Variants in MAGI2 observed in about 807,000 individuals in gnomAD.
MAGI2 encodes membrane associated guanylate kinase, WW and PDZ domain containing 2.
Under a neutral mutation model 133.3 loss-of-function variants are expected in MAGI2, and 35 were observed. The ratio of observed to expected loss-of-function variants is 0.26; its 90% CI spans 0.20 to 0.35. The LOEUF (loss-of-function observed/expected upper bound fraction) is 0.35, where lower values mean the gene tolerates loss of function less well. Ranked by LOEUF, MAGI2 falls within the 10% of genes least tolerant of loss-of-function variation. The probability of loss-of-function intolerance (pLI) is 1.00; values close to 1 mark genes in which losing one functional copy is unlikely to be tolerated. For synonymous variants in MAGI2, 729 were observed against 710.6 expected (o/e 1.03, Z -0.41); for missense variants, 1,636 against 1,863.4 (o/e 0.88, Z 2.25).
At chr7:79,240,326 G>A (rs1248607493) in intron 1 of MAGI2, among the ~76,000 whole-genome samples, 3 of 140,986 alleles carry the variant, frequency 2.1e-5, no homozygotes, top group Admixed American at 7.3e-5. Context: ...GGAATGAAAG[G>A]AACATAGGAG....
At chr7:78,250,212 G>A (rs1343213999) in intron 10 of MAGI2, among the ~76,000 whole-genome samples, 4 of 152,018 alleles carry the variant, frequency 2.6e-5, no homozygotes, top group South Asian at 4.1e-4. Flanking sequence ...TGTTCTCTTC[G>A]ACAATGAAAT....
chr7:78,955,989 ACTCTGCTAAGTTGTATGAATTTTT>A, intron 2 of MAGI2, among the ~76,000 whole-genome samples: 1 of 151,766 alleles, frequency 6.6e-6, no homozygotes, highest in Non-Finnish European at 1.5e-5. Flanking sequence ...TTTGTGGTAC[ACTCTGCTAAGTTGTATGAATTTTT>A]AAAAAGTTAA....
intron 20 of MAGI2, among the ~76,000 whole-genome samples, chr7:78,107,472 T>C (rs1253689473): frequency 6.6e-6 from 1 of 152,186 alleles, no homozygotes; most frequent in Non-Finnish European, 1.5e-5. Flanking sequence ...ATTCTTCCAA[T>C]CTATGAACAT....
At chr7:78,269,804 C>T (rs1276205625) in intron 9 of MAGI2, among the ~76,000 whole-genome samples, 5 of 152,088 alleles carry the variant, frequency 3.3e-5, no homozygotes, top group Non-Finnish European at 7.4e-5. Flanking sequence ...CTTTTGTTGC[C>T]ATTGCTTTTG....
chr7:78,582,638 A>T (rs1401959777), intron 3 of MAGI2, among the ~76,000 whole-genome samples: 1 of 152,214 alleles, frequency 6.6e-6, no homozygotes, highest in Non-Finnish European at 1.5e-5. Context: ...TACCTACCAG[A>T]AGCACCTGCA....
intron 11 of MAGI2, among the ~76,000 whole-genome samples, chr7:78,199,023 G>A (rs3807649): frequency 0.55 from 83,916 of 151,974 alleles, 23,369 homozygotes; most frequent in Non-Finnish European, 0.59. Flanking sequence ...GGAAGCTAGA[G>A]CTCACCCCAT....
At chr7:78,773,765 G>A (rs909248143) in intron 2 of MAGI2, among the ~76,000 whole-genome samples, 6 of 152,158 alleles carry the variant, frequency 3.9e-5, no homozygotes, top group African/African-American at 1.2e-4. Context: ...CAAAGAACAC[G>A]AACAAACCTA....
At chr7:78,630,413 C>CTTTTTTTTTTTTTTTTTTT in intron 2 of MAGI2, among the ~76,000 whole-genome samples, 1 of 112,342 alleles carries the variant, frequency 8.9e-6, no homozygotes, top group Non-Finnish European at 1.7e-5. Context: ...TTGTGTTTAA[C>CTTTTTTTTTTTTTTTTTTT]TTTTTTTTTT....
intron 2 of MAGI2, among the ~76,000 whole-genome samples, chr7:78,967,748 G>A (rs73144991): frequency 0.012 from 1,863 of 152,076 alleles, 17 homozygotes; most frequent in Non-Finnish European, 0.02. Flanking sequence ...ATAAAAATCA[G>A]TTTATTATAT....
At chr7:78,607,957 A>G (rs1258489989) in intron 3 of MAGI2, among the ~76,000 whole-genome samples, 1 of 152,318 alleles carries the variant, frequency 6.6e-6, no homozygotes, top group East Asian at 1.9e-4. Context: ...ACCTCTCAAG[A>G]GGACATAAAA....
chr7:78,119,976 C>G (rs2150493626), intron 20 of MAGI2, among the ~76,000 whole-genome samples: 1 of 152,212 alleles, frequency 6.6e-6, no homozygotes, highest in African/African-American at 2.4e-5. Context: ...ACTTTAAGCA[C>G]TTTATGGAAA....
At chr7:78,505,942 T>C (rs1053983518) in intron 4 of MAGI2, among the ~76,000 whole-genome samples, 1 of 80,768 alleles carries the variant, frequency 1.2e-5, no homozygotes, top group Non-Finnish European at 2.3e-5. Flanking sequence ...AAGGGAGAAA[T>C]AAATAAATGA....
intron 1 of MAGI2, among the ~76,000 whole-genome samples, chr7:79,317,742 T>C (rs1193670460): frequency 1.3e-5 from 2 of 152,238 alleles, no homozygotes; most frequent in Non-Finnish European, 1.5e-5. Context: ...CAGGTGTATA[T>C]AGGCCTTAAT....
chr7:78,463,218 AC>A (rs1287665733), intron 6 of MAGI2, among the ~76,000 whole-genome samples: 1 of 152,240 alleles, frequency 6.6e-6, no homozygotes, highest in African/African-American at 2.4e-5. Context: ...TGGTGAGCAT[AC>A]ATGAGGCTGT....
chr7:78,408,809 A>C (rs1442887623), intron 6 of MAGI2, among the ~76,000 whole-genome samples: 1 of 152,140 alleles, frequency 6.6e-6, no homozygotes, highest in East Asian at 1.9e-4. Context: ...GTTAAATTAG[A>C]TGTATTATTA....
intron 1 of MAGI2, among the ~76,000 whole-genome samples, chr7:79,166,950 T>A (rs1293298746): frequency 2.0e-5 from 3 of 152,018 alleles, no homozygotes; most frequent in African/African-American, 2.4e-5. Context: ...ACTCACGTAA[T>A]TTTTTTGAAT....
At chr7:79,362,964 C>A (rs2095676014) in intron 1 of MAGI2, among the ~76,000 whole-genome samples, 1 of 151,476 alleles carries the variant, frequency 6.6e-6, no homozygotes, top group Non-Finnish European at 1.5e-5. Flanking sequence ...ATAAGGCAAG[C>A]AAAAGGAACA....
chr7:78,060,688 A>G (rs1378001169), intron 21 of MAGI2, among the ~76,000 whole-genome samples: 1 of 152,182 alleles, frequency 6.6e-6, no homozygotes, highest in Non-Finnish European at 1.5e-5. Flanking sequence ...GGAGGACAAG[A>G]TTTGGGGAAA....
chr7:78,763,285 C>A (rs951656585), intron 2 of MAGI2, among the ~76,000 whole-genome samples: 2 of 152,058 alleles, frequency 1.3e-5, no homozygotes, highest in Non-Finnish European at 2.9e-5. Context: ...TAAAAGTTAC[C>A]ATCTGCAGCA....
Sources: allele counts gnomAD v4.1 joint callset (sites outside exome capture counted in the v4.1 genomes callset), GRCh38; gene constraint gnomAD v4.1.1; transcripts MANE v1.5; gene names NCBI Gene and HGNC (gene_info 2026-07-23, HGNC 2026-07-21).